DDA1: variants seen among roughly 807,000 people sequenced by gnomAD.
DDA1 encodes the protein DET1- and DDB1-associated protein 1.
DDA1 carries 3 observed loss-of-function variants against 18.6 expected under a neutral mutation model. That is an observed-to-expected ratio of 0.16 (90% CI 0.07 to 0.42). The LOEUF is 0.42. Ranked by LOEUF, DDA1 falls within the 10% of genes least tolerant of loss-of-function variation. DDA1 has a pLI of 0.99. For synonymous variants in DDA1, 52 were observed against 54.0 expected (o/e 0.96, Z 0.17); for missense variants, 105 against 138.2 (o/e 0.76, Z 1.20).
At position 17,322,813 on chromosome 19, in the gene DDA1, G is replaced by C. The variant is rs1015246637; in HGVS notation, c.*3157G>C. The C allele has an allele frequency of 6.6e-6, 1 of 152,228 alleles. No homozygotes were observed. The highest frequency in any genetic ancestry group is 6.5e-5 in the Admixed American group (1 of 15,274). 9.4% of individuals were successfully genotyped at this position (152,228 alleles called of 1,614,324 possible). On this transcript the variant is annotated 3_prime_UTR_variant, in exon 5 of 5. Coordinates refer to ENST00000359866, the MANE Select transcript of DDA1 (RefSeq NM_024050.6). The stretch of plus-strand genomic sequence containing the variant: ...GCTCAGGTGCCAGGTGCCTTCTGAT[G>C]TTCATGCCACAAGCTCTTCCCACTG...
intron 3 of DDA1, among the ~76,000 whole-genome samples, chr19:17,315,427 T>TGC (rs201864386): frequency 0.012 from 927 of 79,098 alleles, 43 homozygotes; most frequent in Middle Eastern, 0.026. Context: ...TGTGTGTGTG[T>TGC]GCATATATAT....
intron 3 of DDA1, among the ~76,000 whole-genome samples, chr19:17,315,167 G>A (rs12982609): frequency 0.087 from 3,106 of 35,582 alleles, 784 homozygotes; most frequent in Middle Eastern, 0.12. Context: ...ATACACACGT[G>A]TATATACACA....
intron 3 of DDA1, among the ~76,000 whole-genome samples, chr19:17,315,429 CATATATATATATATAT>C (rs56662339): frequency 2.3e-4 from 12 of 52,040 alleles, no homozygotes; most frequent in Non-Finnish European, 3.8e-4. Context: ...TGTGTGTGTG[CATATATATATATATAT>C]ATATATATAT....
chr19:17,314,196 A>G lies in DDA1; in HGVS notation c.84+93A>G. 2 of 1,564,518 alleles carry G rather than the reference A, an allele frequency of 1.3e-6. No homozygotes were observed. Among genetic ancestry groups the G allele is most frequent in the Non-Finnish European group, 1.8e-6 (2 of 1,137,008 alleles). ...CCCCGATTGGGGTCTTGGCTGGAAC[A>G]GAGGCTGATCTTCAAGCCCAGCCCC... On this transcript the variant is annotated intron_variant, in intron 2 of 4. Transcript: ENST00000359866. This position sits in a 1 kb window ranked among gnomAD's most constrained non-coding sequence, Gnocchi z 4.6.
Position 17,309,651 on chromosome 19 carries a change from G to T in DDA1, c.-4G>T. ...GGCCGAGGCGGCGACGGAGGAAACAGAAGATGGTGAGGATGGCCTCCAGGC... is the reference window on the plus strand; with the variant it reads ...GGCCGAGGCGGCGACGGAGGAAACATAAGATGGTGAGGATGGCCTCCAGGC... On this transcript the variant is annotated 5_prime_UTR_variant, in exon 1 of 5. Coordinates refer to ENST00000359866, the MANE Select transcript of DDA1 (RefSeq NM_024050.6). 6.2e-7 allele frequency: 1 copy of T among 1,612,998 alleles called. No homozygotes were observed. The highest frequency in any genetic ancestry group is 8.5e-7 in the Non-Finnish European group (1 of 1,179,350).
rs113661429 is a variant in DDA1, at chr19:17,317,893, C to T, written c.199-1653C>T. Among the ~76,000 whole-genome samples the T allele has an allele frequency of 8.3e-3, 1,251 of 151,504 alleles. 18 individuals carry two copies. The highest frequency in any genetic ancestry group is 0.029 in the African/African-American group (1,166 of 40,912). ...CAGCGAAGAGTCATCTCCCGCCTCC[C>T]GCTTCTGGTGCCCCAGCTCCCTTCC... On this transcript the variant is annotated intron_variant, in intron 4 of 4. Transcript: ENST00000359866.
Position 17,315,290 on chromosome 19 carries a change from A to ATACACACACGTG in DDA1, c.137-642_137-641insCACACACGTGTA, listed in dbSNP as rs1568353954. ...ACACACGTGTATATACACACACTAT[A>ATACACACACGTG]TATATACACACGTGTATATATATAC... On this transcript the variant is annotated intron_variant, in intron 3 of 4. Transcript: ENST00000359866. 1.6e-3 allele frequency among the ~76,000 whole-genome samples: 64 copies of ATACACACACGTG among 40,050 alleles called. 23 individuals are homozygous for ATACACACACGTG. The highest frequency in any genetic ancestry group is 2.5e-3 in the Non-Finnish European group (46 of 18,270). The allele number at this position is 40,050 out of a possible 152,430, so 26.3% of individuals were successfully genotyped here. A position where few individuals can be genotyped will look rare whatever the true frequency, so the allele number is the denominator to read the frequency against.
At position 17,317,345 on chromosome 19, in the gene DDA1, T is replaced by C. The variant is rs1285929917; in HGVS notation, c.198+1350T>C. Among the ~76,000 whole-genome samples, 3 of 152,052 alleles carry C rather than the reference T, an allele frequency of 2.0e-5. No homozygotes were observed. In the East Asian group the frequency reaches 5.8e-4, roughly 30 times the overall value. Reference sequence around the variant, plus strand: ...TAACACGGTGAAACCCCGTCTCTACTAAAAATACAAAAAATTAGCCGCGTA... The same window carrying C: ...TAACACGGTGAAACCCCGTCTCTACCAAAAATACAAAAAATTAGCCGCGTA... On this transcript the variant is annotated intron_variant, in intron 4 of 4. Transcript: ENST00000359866.
In DDA1 at chr19:17,320,629, C is replaced by T. The variant is rs10403469; in HGVS notation, c.*973C>T. 110,579 of 152,546 alleles carry T rather than the reference C, an allele frequency of 0.72. 41,436 individuals carry two copies. The highest frequency in any genetic ancestry group is 0.85 in the African/African-American group (35,497 of 41,574). The allele number at this position is 152,546 out of a possible 1,614,324, so 9.4% of individuals were successfully genotyped here. On this transcript the variant is annotated 3_prime_UTR_variant, in exon 5 of 5. Transcript: ENST00000359866. The stretch of plus-strand genomic sequence containing the variant: ...CACCGCAGAGATGGCCGGCCTCATC[C>T]GGGGGCCTGGGGTCTCTGGCCTCTG...
intron 4 of DDA1, among the ~76,000 whole-genome samples, chr19:17,317,808 C>T (rs1164780410): frequency 6.6e-6 from 1 of 151,332 alleles, no homozygotes; most frequent in African/African-American, 2.5e-5. Flanking sequence ...CATTGCACTC[C>T]AGCCTGGGCA....
At chr19:17,313,998 A>T in intron 1 of DDA1, 25 bp from the exon 2 acceptor site, 1 of 1,603,568 alleles carries the variant, frequency 6.2e-7, no homozygotes, top group Non-Finnish European at 8.5e-7. Flanking sequence ...CTGTTTTCTC[A>T]TGTACCATCT....
intron 3 of DDA1, 152 bp from the exon 4 acceptor site, chr19:17,315,782 G>A (rs1599535890): frequency 3.1e-5 from 23 of 744,374 alleles, no homozygotes; most frequent in South Asian, 2.9e-4. Flanking sequence ...GAGTAGCTGC[G>A]AGTGTGCTCA....
In DDA1 at chr19:17,317,369, T is replaced by A. The variant is rs140808104; in HGVS notation, c.198+1374T>A. Among the ~76,000 whole-genome samples the A allele has an allele frequency of 8.0e-3, 1,220 of 151,722 alleles. 19 individuals carry two copies. Among genetic ancestry groups the A allele is most frequent in the African/African-American group, 0.028 (1,166 of 41,352 alleles). ...CTAAAAATACAAAAAATTAGCCGCG[T>A]AGCTGGGTGTGGCGGCGGGTGCCTG... On this transcript the variant is annotated intron_variant, in intron 4 of 4. Transcript: ENST00000359866.
At chr19:17,317,080 C>A (rs1476612724) in intron 4 of DDA1, among the ~76,000 whole-genome samples, 1 of 151,868 alleles carries the variant, frequency 6.6e-6, no homozygotes, top group African/African-American at 2.4e-5. Flanking sequence ...CAAAAATTAG[C>A]TGGGCATGGT....
chr19:17,319,335 G>T (rs2074228383), intron 4 of DDA1, among the ~76,000 whole-genome samples: 1 of 152,166 alleles, frequency 6.6e-6, no homozygotes, highest in Non-Finnish European at 1.5e-5. Context: ...TATGACTCTG[G>T]GAGCTTCACC....
In DDA1 at chr19:17,320,791, C is replaced by T. The variant is rs71338627; in HGVS notation, c.*1135C>T. 18,250 of 152,538 alleles carry T rather than the reference C, an allele frequency of 0.12. 1,491 individuals carry two copies. Among genetic ancestry groups the T allele is most frequent in the African/African-American group, 0.23 (9,425 of 41,510 alleles). 9.4% of individuals were successfully genotyped at this position (152,538 alleles called of 1,614,324 possible). On this transcript the variant is annotated 3_prime_UTR_variant, in exon 5 of 5. Transcript: ENST00000359866. The stretch of plus-strand genomic sequence containing the variant: ...CCTGGCAGTTGGCATGTGCCATGGC[C>T]GCTCATGGGGACCCCTCTTCCGCCA...
intron 4 of DDA1, among the ~76,000 whole-genome samples, chr19:17,317,668 TAAA>T (rs34303101): frequency 1.1e-4 from 11 of 97,736 alleles, no homozygotes; most frequent in Admixed American, 3.6e-4. Context: ...ACTCCATCAC[TAAA>T]AAAAAAAAAA....
At chr19:17,311,633 C>A (rs1489398980) in intron 1 of DDA1, among the ~76,000 whole-genome samples, 2 of 152,190 alleles carry the variant, frequency 1.3e-5, no homozygotes, top group Non-Finnish European at 2.9e-5. Context: ...GTTTTCACTT[C>A]CTCACACTCC....
intron 1 of DDA1, 138 bp downstream of exon 1, chr19:17,309,795 C>G: frequency 8.7e-7 from 1 of 1,152,134 alleles, no homozygotes; most frequent in South Asian, 1.7e-5. Context: ...TCCCACTCAC[C>G]TGTGACCTTC....
Sources: allele counts gnomAD v4.1 joint callset (sites outside exome capture counted in the v4.1 genomes callset), GRCh38; gene constraint gnomAD v4.1.1; non-coding constraint Gnocchi (gnomAD v3.1); transcripts MANE v1.5; gene names NCBI Gene and HGNC (gene_info 2026-07-23, HGNC 2026-07-21).